Variants in MGAT4C observed in about 807,000 individuals in gnomAD.
MGAT4C encodes MGAT4 family member C.
A neutral mutation model predicts 40.1 loss-of-function variants in MGAT4C; 19 were observed. The ratio of observed to expected loss-of-function variants is 0.47; its 90% confidence interval spans 0.33 to 0.70. The LOEUF is 0.70. MGAT4C is among the 30% of genes least tolerant of loss of function. The pLI is 0.02. For synonymous variants in MGAT4C, 181 were observed against 187.1 expected (o/e 0.97, Z 0.27); for missense variants, 491 against 563.2 (o/e 0.87, Z 1.30).
chr12:86,154,008 C>G (rs1034175113), intron 1 of MGAT4C, among the ~76,000 whole-genome samples: 1 of 152,082 alleles, frequency 6.6e-6, no homozygotes, highest in African/African-American at 2.4e-5. Flanking sequence ...AGAACATTAT[C>G]AATCAAAAGA....
At chr12:86,373,034 G>C (rs1056644726) in intron 3 of MGAT4C, among the ~76,000 whole-genome samples, 1 of 150,920 alleles carries the variant, frequency 6.6e-6, no homozygotes, top group Non-Finnish European at 1.5e-5. Context: ...GCAAAAGAAG[G>C]CAACAATTAT....
chr12:86,587,844 T>A (rs1961131074), intron 2 of MGAT4C, among the ~76,000 whole-genome samples: 1 of 151,286 alleles, frequency 6.6e-6, no homozygotes, highest in African/African-American at 2.4e-5. Flanking sequence ...TTAGGAGATT[T>A]TGGGCTGAGA....
At chr12:86,425,208 A>G (rs535181918) in intron 3 of MGAT4C, among the ~76,000 whole-genome samples, 132 of 152,334 alleles carry the variant, frequency 8.7e-4, no homozygotes, top group Admixed American at 3.5e-3. Context: ...GTCTTTCATC[A>G]TAATTTAAGA....
intron 1 of MGAT4C, among the ~76,000 whole-genome samples, chr12:86,209,517 G>T (rs1188444637): frequency 1.3e-5 from 2 of 152,054 alleles, no homozygotes; most frequent in Non-Finnish European, 2.9e-5. Context: ...GCTACAATAT[G>T]TTTAGCAATT....
chr12:86,172,676 A>G (rs925099859), intron 1 of MGAT4C, among the ~76,000 whole-genome samples: 2 of 152,094 alleles, frequency 1.3e-5, no homozygotes, highest in African/African-American at 4.8e-5. Flanking sequence ...ACATCCTATA[A>G]GTTTGCTAAG....
chr12:86,404,411 G>A (rs540492127), intron 3 of MGAT4C, among the ~76,000 whole-genome samples: 1 of 152,238 alleles, frequency 6.6e-6, no homozygotes, highest in South Asian at 2.1e-4. Flanking sequence ...AGGATCTTGA[G>A]ATGGGGAGAT....
chr12:86,491,372 T>A (rs1365388778), intron 2 of MGAT4C, among the ~76,000 whole-genome samples: 1 of 152,120 alleles, frequency 6.6e-6, no homozygotes, highest in Non-Finnish European at 1.5e-5. Flanking sequence ...ATATCCTTGA[T>A]GAACATTGAT....
intron 1 of MGAT4C, among the ~76,000 whole-genome samples, chr12:86,224,579 G>T (rs574363780): frequency 1.3e-5 from 2 of 152,218 alleles, no homozygotes; most frequent in South Asian, 2.1e-4. Flanking sequence ...TAAACTTAAA[G>T]AAATCAAAAT....
chr12:86,087,827 G>A (rs1295047268), intron 1 of MGAT4C, among the ~76,000 whole-genome samples: 1 of 151,874 alleles, frequency 6.6e-6, no homozygotes, highest in Non-Finnish European at 1.5e-5. Flanking sequence ...CAGATTTATT[G>A]CTATTCCTAT....
At chr12:86,609,368 T>C (rs1227846196) in intron 2 of MGAT4C, among the ~76,000 whole-genome samples, 6 of 152,098 alleles carry the variant, frequency 3.9e-5, no homozygotes, top group African/African-American at 1.2e-4. Flanking sequence ...AGAATCAATA[T>C]TTGTTATGCT....
Position 85,970,402 on chromosome 12 carries a change from A to G in MGAT4C, c.*8887T>C, listed in dbSNP as rs937104131. On this transcript the variant is annotated 3_prime_UTR_variant, in exon 5 of 5. Transcript: ENST00000611864. ...ATCTTGTGGTCTGGAAATACACCCT[A>G]AATTATTGGGTCAAGTTAGTGAAAA... The G allele has an allele frequency of 1.3e-5, 2 of 151,364 alleles. No individual in the cohort carries two copies. The highest frequency in any genetic ancestry group is 6.6e-5 in the Admixed American group (1 of 15,156). The allele number at this position is 151,364 out of a possible 1,614,324, so 9.4% of individuals were successfully genotyped here. A position where few individuals can be genotyped will look rare whatever the true frequency, so the allele number is the denominator to read the frequency against.
chr12:86,713,628 A>C (rs1950596654), intron 2 of MGAT4C, among the ~76,000 whole-genome samples: 2 of 152,142 alleles, frequency 1.3e-5, no homozygotes, highest in Admixed American at 6.6e-5. Flanking sequence ...ATGCAAAAAC[A>C]TTAGCTAAAC....
At chr12:86,451,428 G>A (rs1175738866) in intron 2 of MGAT4C, among the ~76,000 whole-genome samples, 2 of 152,122 alleles carry the variant, frequency 1.3e-5, no homozygotes, top group Non-Finnish European at 2.9e-5. Context: ...TTATAGCAAT[G>A]TGAGAACAAA....
chr12:86,701,028 A>G (rs1396938064), intron 2 of MGAT4C, among the ~76,000 whole-genome samples: 1 of 152,130 alleles, frequency 6.6e-6, no homozygotes, highest in Admixed American at 6.5e-5. Context: ...AGGATATAAG[A>G]CTACTCTATT....
At chr12:86,490,109 A>G (rs903436131) in intron 2 of MGAT4C, among the ~76,000 whole-genome samples, 6 of 151,136 alleles carry the variant, frequency 4.0e-5, no homozygotes, top group African/African-American at 9.7e-5. Context: ...GCAACTCCAA[A>G]ACACATAATT....
At chr12:86,741,129 C>G (rs1951061917) in intron 1 of MGAT4C, among the ~76,000 whole-genome samples, 1 of 151,054 alleles carries the variant, frequency 6.6e-6, no homozygotes, top group Admixed American at 6.6e-5. Context: ...GGTTTATTCA[C>G]TTAGGATTAT....
At chr12:86,706,651 T>C (rs1950465008) in intron 2 of MGAT4C, among the ~76,000 whole-genome samples, 1 of 152,198 alleles carries the variant, frequency 6.6e-6, no homozygotes, top group Non-Finnish European at 1.5e-5. Flanking sequence ...ATATAGTCTG[T>C]TATTTCAAGG....
intron 3 of MGAT4C, among the ~76,000 whole-genome samples, chr12:86,385,837 A>C (rs1266653340): frequency 1.3e-5 from 2 of 152,228 alleles, no homozygotes. Flanking sequence ...TCTGTCTTCC[A>C]GCTGTGACTA....
At position 86,212,887 on chromosome 12, in the gene MGAT4C, G is replaced by C. The variant is rs868362118; in HGVS notation, c.-57+43352C>G. Among the ~76,000 whole-genome samples the C allele has an allele frequency of 9.6e-4, 23 of 23,974 alleles. 2 individuals carry two copies. Among genetic ancestry groups the C allele is most frequent in the African/African-American group, 3.8e-3 (23 of 6,014 alleles). 15.7% of individuals were successfully genotyped at this position (23,974 alleles called of 152,430 possible). A position where few individuals can be genotyped will look rare whatever the true frequency, so the allele number is the denominator to read the frequency against. ...AGCCTGGGCGACAGAGCGAGACTCC[G>C]TCTCAAAAAAAAAAAAAAAAAAAAA... is the stretch of plus-strand genomic sequence containing the variant. On this transcript the variant is annotated intron_variant, in intron 1 of 4. Transcript: ENST00000611864.
Sources: gnomAD v4.1 joint callset for allele counts (sites outside exome capture counted in the v4.1 genomes callset) on GRCh38, gnomAD v4.1.1 for gene constraint, MANE v1.5 for transcripts, NCBI Gene and HGNC (gene_info 2026-07-23, HGNC 2026-07-21) for gene names.